The following CDR2 variants were observed in gnomAD, a reference collection of about 807,000 sequenced individuals.
The protein encoded by CDR2 is cerebellar degeneration related protein 2.
CDR2 carries 34 observed loss-of-function variants against 48.4 expected under a neutral mutation model. That is an observed-to-expected ratio of 0.70 (90% CI 0.53 to 0.94). CDR2 has a LOEUF of 0.94. CDR2 is among the 40% of genes least tolerant of loss of function. The probability of loss-of-function intolerance (pLI) is 0.00; values close to 1 mark genes in which losing one functional copy is unlikely to be tolerated. For missense variants in CDR2, 498 were observed against 549.5 expected, an observed-to-expected ratio of 0.91 and a Z score of 0.94; for synonymous variants, 240 against 219.7, an observed-to-expected ratio of 1.09 and a Z score of -0.82.
chr16:22,346,910 T>C lies in CDR2; in HGVS notation c.*55A>G. 1 of 1,546,982 alleles carries C rather than the reference T, an allele frequency of 6.5e-7. No individual in the cohort carries two copies. Among genetic ancestry groups the C allele is most frequent in the Middle Eastern group, 1.8e-4 (1 of 5,600 alleles). ...CAGAGTCTACAAACACTTGTCTGAA[T>C]GGGAGAGAGAGGCGATAGGCAATAG... On this transcript the variant is annotated 3_prime_UTR_variant, in exon 5 of 5. Coordinates refer to ENST00000268383, the MANE Select transcript of CDR2 (RefSeq NM_001802.2).
intron 4 of CDR2, 69 bp from the exon 5 acceptor site, chr16:22,347,892 A>G (rs1598289814): frequency 7.2e-7 from 1 of 1,397,916 alleles, no homozygotes; most frequent in Admixed American, 2.3e-5. Flanking sequence ...AAGACTGGTG[A>G]TTTTTTTTCA....
rs753704882 is a variant in CDR2 at position 22,346,778 on chromosome 16, G to A, written c.*187C>T. The stretch of plus-strand genomic sequence containing the variant: ...ATGGGATTTCCTGGGGAGCTTAAAT[G>A]GAAGTGGATCAGAGAACTGATACCA... On this transcript the variant is annotated 3_prime_UTR_variant, in exon 5 of 5. Coordinates refer to ENST00000268383, the MANE Select transcript of CDR2 (RefSeq NM_001802.2). 1.2e-5 allele frequency: 8 copies of A among 671,302 alleles called. No individual in the cohort carries two copies. Among genetic ancestry groups the A allele is most frequent in the Admixed American group, 5.0e-5 (2 of 39,738 alleles). 41.6% of individuals were successfully genotyped at this position (671,302 alleles called of 1,614,324 possible).
At chr16:22,372,965 G>C (rs983101660) in intron 1 of CDR2, among the ~76,000 whole-genome samples, 7 of 152,168 alleles carry the variant, frequency 4.6e-5, no homozygotes, top group Admixed American at 3.9e-4. Context: ...GATTAGAGCT[G>C]AGAGCATTTA....
chr16:22,359,400 C>T (rs1598293989), intron 2 of CDR2, among the ~76,000 whole-genome samples: 1 of 152,144 alleles, frequency 6.6e-6, no homozygotes, highest in African/African-American at 2.4e-5. Flanking sequence ...GCTGGGATTA[C>T]AGGAGTGAGC....
chr16:22,356,018 A>G (rs1432054484), intron 2 of CDR2, among the ~76,000 whole-genome samples: 4 of 152,168 alleles, frequency 2.6e-5, no homozygotes, highest in Non-Finnish European at 5.9e-5. Flanking sequence ...AGGTATTTTC[A>G]TATTGCACTA....
intron 1 of CDR2, among the ~76,000 whole-genome samples, chr16:22,372,054 G>C (rs887797518): frequency 6.6e-6 from 1 of 152,130 alleles, no homozygotes; most frequent in Non-Finnish European, 1.5e-5. Flanking sequence ...ATTTTTAGTG[G>C]AGATGGAGTT....
chr16:22,349,948 G>C lies in CDR2; in HGVS notation c.193-99C>G, dbSNP rs2048931556. 22 of 1,117,956 alleles carry C rather than the reference G, an allele frequency of 2.0e-5. 1 individual carries two copies. The South Asian group carries it at 2.2e-4, about 11-fold the overall frequency. 69.3% of individuals were successfully genotyped at this position (1,117,956 alleles called of 1,614,324 possible). Reference sequence around the variant, plus strand: ...TCACGCCTGTAATCCCAGCACTTTGGGAGGCCAAGACGTGTGGATCACCTG... The same window carrying C: ...TCACGCCTGTAATCCCAGCACTTTGCGAGGCCAAGACGTGTGGATCACCTG... On this transcript the variant is annotated intron_variant, in intron 2 of 4. Transcript: ENST00000268383.
In CDR2 at chr16:22,374,226, C is replaced by T. The variant is rs942564209; in HGVS notation, c.79+5G>A. On this transcript the variant is annotated splice_donor_5th_base_variant and intron_variant, in intron 1 of 4. Transcript: ENST00000268383. The stretch of plus-strand genomic sequence containing the variant: ...CGCCCGCCCGCGGGGCGCCCCCGCC[C>T]TCACCTTGCTGGAGGTCCTGGTGGT... The T allele has an allele frequency of 6.3e-7, 1 of 1,590,340 alleles. No individual in the cohort carries two copies. The highest frequency in any genetic ancestry group is 1.4e-5 in the African/African-American group (1 of 72,398).
At position 22,374,548 on chromosome 16, in the gene CDR2, C is replaced by G. The variant is rs937636902; in HGVS notation, c.-239G>C. The G allele has an allele frequency of 3.0e-5, 6 of 197,406 alleles. No individual in the cohort carries two copies. The highest frequency in any genetic ancestry group is 5.1e-5 in the Non-Finnish European group (5 of 98,690). 12.2% of individuals were successfully genotyped at this position (197,406 alleles called of 1,614,324 possible). A position where few individuals can be genotyped will look rare whatever the true frequency, so the allele number is the denominator to read the frequency against. On this transcript the variant is annotated 5_prime_UTR_variant, in exon 1 of 5. Transcript: ENST00000268383. ...CAACGGCCGGGCATTACGGTGCGAA[C>G]GCCTGGAGCCGGAGTCTCACGCAGC...
intron 2 of CDR2, among the ~76,000 whole-genome samples, chr16:22,353,919 A>G (rs1414185818): frequency 6.6e-6 from 1 of 152,140 alleles, no homozygotes; most frequent in Non-Finnish European, 1.5e-5. Flanking sequence ...GAGGAAAAAA[A>G]TATTTTTCCT....
In CDR2 at chr16:22,374,252, C is replaced by G. The variant is rs748468552; in HGVS notation, c.58G>C (p.Asp20His). ...TCACCTTGCTGGAGGTCCTGGTGGT[C>G]GTACCACGGCTCGTCCTCCTTCATC... Reference protein sequence around the residue: ...FEMKEDEPWYDHQDLQQDLQL... With the variant: ...FEMKEDEPWYHHQDLQQDLQL... Residue 20 changes from aspartate to histidine, a missense_variant, in exon 1 of 5, where the codon GAC becomes CAC. By Grantham distance (81) the Asp-to-His change is moderately conservative (BLOSUM62 -1). Transcript: ENST00000268383. The G allele has an allele frequency of 5.6e-6, 9 of 1,602,954 alleles. No homozygotes were observed. Among genetic ancestry groups the G allele is most frequent in the Non-Finnish European group, 6.0e-6 (7 of 1,175,200 alleles).
At chr16:22,368,509 C>G (rs1285053503) in intron 1 of CDR2, among the ~76,000 whole-genome samples, 3 of 152,212 alleles carry the variant, frequency 2.0e-5, no homozygotes, top group Non-Finnish European at 4.4e-5. Flanking sequence ...CTGCCCCCAG[C>G]CTACTTTTTG....
chr16:22,363,173 C>T (rs1321532718), intron 2 of CDR2, among the ~76,000 whole-genome samples: 1 of 152,088 alleles, frequency 6.6e-6, no homozygotes, highest in Non-Finnish European at 1.5e-5. Context: ...AACTCCTGAC[C>T]TCAAGTGATC....
chr16:22,372,335 G>GT (rs986228333), intron 1 of CDR2, among the ~76,000 whole-genome samples: 1 of 152,138 alleles, frequency 6.6e-6, no homozygotes, highest in Non-Finnish European at 1.5e-5. Flanking sequence ...AGAATGCAGC[G>GT]TGGACTAAGG....
chr16:22,347,923 T>C (rs2048918564), intron 4 of CDR2, 100 bp from the exon 5 acceptor site: 2 of 1,167,752 alleles, frequency 1.7e-6, no homozygotes, highest in African/African-American at 1.5e-5. Context: ...TTTGAGGAGC[T>C]GTGACAGTGA....
At chr16:22,354,897 A>G (rs2048964615) in intron 2 of CDR2, among the ~76,000 whole-genome samples, 1 of 152,166 alleles carries the variant, frequency 6.6e-6, no homozygotes, top group Non-Finnish European at 1.5e-5. Flanking sequence ...ATGTCTAAAA[A>G]TAAATAAATA....
chr16:22,371,798 C>G (rs1236604689), intron 1 of CDR2, among the ~76,000 whole-genome samples: 1 of 151,956 alleles, frequency 6.6e-6, no homozygotes, highest in Non-Finnish European at 1.5e-5. Flanking sequence ...GATAACGTAA[C>G]AGCCCTTTGA....
At chr16:22,349,661 T>G (rs969497229) in intron 3 of CDR2, 40 bp downstream of exon 3, 1 of 1,605,664 alleles carries the variant, frequency 6.2e-7, no homozygotes, top group Non-Finnish European at 8.5e-7. Context: ...ACTAAAGAAC[T>G]TCCCCCTAGT....
intron 3 of CDR2, 115 bp downstream of exon 3, chr16:22,349,586 A>T: frequency 7.1e-7 from 1 of 1,405,562 alleles, no homozygotes; most frequent in Non-Finnish European, 9.8e-7. Flanking sequence ...CTCCAAAAAG[A>T]ATTAAATTAA....
Sources: allele counts gnomAD v4.1 joint callset (sites outside exome capture counted in the v4.1 genomes callset), GRCh38; gene constraint gnomAD v4.1.1; transcripts MANE v1.5; gene names NCBI Gene and HGNC (gene_info 2026-07-23, HGNC 2026-07-21).